Variants in LOXL2 observed in about 807,000 individuals in gnomAD.
LOXL2 encodes lysyl oxidase homolog 2.
LOXL2 carries 70 observed loss-of-function variants against 93.0 expected under a neutral mutation model. The ratio of observed to expected loss-of-function variants is 0.75; its 90% CI spans 0.62 to 0.92. The LOEUF (loss-of-function observed/expected upper bound fraction) is 0.92. LOXL2 is among the 40% of genes least tolerant of loss of function. LOXL2 has a pLI of 0.00. For missense variants in LOXL2, 973 were observed against 1,054.9 expected (o/e 0.92, Z 1.08); for synonymous variants, 438 against 413.2 (o/e 1.06, Z -0.73).
intron 3 of LOXL2, among the ~76,000 whole-genome samples, chr8:23,352,186 G>T (rs1804105727): frequency 6.6e-6 from 1 of 152,176 alleles, no homozygotes; most frequent in Admixed American, 6.5e-5. Flanking sequence ...ACATCTAATT[G>T]TCCAGCCAGA....
chr8:23,301,469 C>T (rs1430833726), intron 12 of LOXL2, among the ~76,000 whole-genome samples: 2 of 152,210 alleles, frequency 1.3e-5, no homozygotes, highest in African/African-American at 4.8e-5. Flanking sequence ...CAGGCTGTGT[C>T]TCGTGTTCAG....
intron 6 of LOXL2, among the ~76,000 whole-genome samples, chr8:23,325,534 C>T (rs571974193): frequency 2.0e-5 from 3 of 152,294 alleles, no homozygotes; most frequent in South Asian, 2.1e-4. Flanking sequence ...TCAAGTGATC[C>T]TCCTGCCTCT....
chr8:23,374,695 G>A (rs1423071574), intron 1 of LOXL2, among the ~76,000 whole-genome samples: 3 of 152,184 alleles, frequency 2.0e-5, no homozygotes. Flanking sequence ...TTTCTCTGAT[G>A]GCCAGTAATG....
At chr8:23,371,771 A>G (rs1804500099) in intron 1 of LOXL2, among the ~76,000 whole-genome samples, 1 of 144,314 alleles carries the variant, frequency 6.9e-6, no homozygotes, top group African/African-American at 2.5e-5. Context: ...AAAAAAAAAA[A>G]AAAAAAAAAA....
chr8:23,317,575 A>G (rs1418499241), intron 8 of LOXL2, among the ~76,000 whole-genome samples: 2 of 152,172 alleles, frequency 1.3e-5, no homozygotes, highest in African/African-American at 4.8e-5. Flanking sequence ...GAAGAAATCT[A>G]TTTGCATAGG....
At chr8:23,300,551 G>A (rs1276862560) in intron 12 of LOXL2, among the ~76,000 whole-genome samples, 5 of 152,226 alleles carry the variant, frequency 3.3e-5, no homozygotes, top group African/African-American at 1.2e-4. Context: ...GGTGCTTGTG[G>A]CACCTAAAGA....
rs1200218172 is a variant in LOXL2 at position 23,404,042 on chromosome 8, C to T, written c.-172G>A. ...TTCCGCCGCCGCTGAGCCCCTTTCT[C>T]GAGCAGAGGGGGCGGCTCTGGTCTC... is the stretch of plus-strand genomic sequence containing the variant. On this transcript the variant is annotated 5_prime_UTR_variant, in exon 1 of 14. Transcript: ENST00000389131. The T allele has an allele frequency of 5.1e-6, 1 of 196,080 alleles. No individual in the cohort carries two copies. The highest frequency in any genetic ancestry group is 1.1e-5 in the Non-Finnish European group (1 of 91,272). 12.1% of individuals were successfully genotyped at this position (196,080 alleles called of 1,614,324 possible).
chr8:23,379,976 G>A (rs1261388460), intron 1 of LOXL2, among the ~76,000 whole-genome samples: 1 of 152,160 alleles, frequency 6.6e-6, no homozygotes, highest in African/African-American at 2.4e-5. Context: ...GCCCCAGTGA[G>A]ATGAACCAAG....
intron 1 of LOXL2, among the ~76,000 whole-genome samples, chr8:23,381,070 AAACT>A (rs1804675293): frequency 6.7e-6 from 1 of 148,994 alleles, no homozygotes; most frequent in African/African-American, 2.5e-5. Flanking sequence ...ACCATGATCA[AAACT>A]GTGTTGTAAA....
chr8:23,400,683 C>T (rs1461210771), intron 1 of LOXL2, among the ~76,000 whole-genome samples: 1 of 152,180 alleles, frequency 6.6e-6, no homozygotes. Flanking sequence ...TGTCAGAGTA[C>T]TCAGGTGATG....
At position 23,386,657 on chromosome 8, in the gene LOXL2, C is replaced by G. The variant is rs142759096; in HGVS notation, c.-84+17297G>C. Among the ~76,000 whole-genome samples, 4 of 152,098 alleles carry G rather than the reference C, an allele frequency of 2.6e-5. No homozygotes were observed. The East Asian group carries it at 7.8e-4, about 30-fold the overall frequency. ...AACAGGCAGATCTATTCTCAGCATT[C>G]ACCTTGGAAGACCTCCAAGGGTGTC... On this transcript the variant is annotated intron_variant, in intron 1 of 13. Coordinates refer to ENST00000389131, the MANE Select transcript of LOXL2 (RefSeq NM_002318.3).
intron 2 of LOXL2, among the ~76,000 whole-genome samples, chr8:23,362,042 T>C (rs11781789): frequency 0.37 from 55,446 of 151,214 alleles, 10,825 homozygotes; most frequent in Middle Eastern, 0.44. Context: ...ACAGTGTCTC[T>C]AAGAGATATC....
Position 23,368,440 on chromosome 8 carries a change from A to C in LOXL2, c.-83-6T>G, listed in dbSNP as rs529221808. On this transcript the variant is annotated splice_polypyrimidine_tract_variant and splice_region_variant and intron_variant, in intron 1 of 13. Transcript: ENST00000389131. ...ACAGAAGCAGCAGGAGCTTTCTGGA[A>C]GAGAGGAGAGATGCGTTAGGATGGG... is the stretch of plus-strand genomic sequence containing the variant. 103 of 1,089,834 alleles carry C rather than the reference A, an allele frequency of 9.5e-5. No individual in the cohort carries two copies. In the African/African-American group the frequency reaches 1.5e-3, roughly 16 times the overall value. 67.5% of individuals were successfully genotyped at this position (1,089,834 alleles called of 1,614,324 possible). A position where few individuals can be genotyped will look rare whatever the true frequency, so the allele number is the denominator to read the frequency against.
At chr8:23,334,205 A>G (rs980804153) in intron 4 of LOXL2, among the ~76,000 whole-genome samples, 1 of 152,044 alleles carries the variant, frequency 6.6e-6, no homozygotes, top group Non-Finnish European at 1.5e-5. Flanking sequence ...CGCCCAGCTA[A>G]TTTTTGTATT....
intron 3 of LOXL2, among the ~76,000 whole-genome samples, chr8:23,346,142 T>TAAAAAA (rs1554479818): frequency 8.9e-6 from 1 of 112,552 alleles, no homozygotes; most frequent in African/African-American, 3.2e-5. Context: ...TAAAATAAAA[T>TAAAAAA]AAATAAAATA....
chr8:23,394,562 C>G (rs747663743), intron 1 of LOXL2, among the ~76,000 whole-genome samples: 4 of 152,048 alleles, frequency 2.6e-5, no homozygotes, highest in Non-Finnish European at 5.9e-5. Context: ...CCACTTCATA[C>G]CCATAAAGGT....
At chr8:23,311,535 G>T (rs571491355) in intron 9 of LOXL2, among the ~76,000 whole-genome samples, 1 of 152,188 alleles carries the variant, frequency 6.6e-6, no homozygotes, top group Non-Finnish European at 1.5e-5. Flanking sequence ...GGGCTCTCCC[G>T]CCAGCTCGCA....
Position 23,328,486 on chromosome 8 carries a change from G to A in LOXL2, c.1046C>T (p.Thr349Ile), listed in dbSNP as rs140553390. 2.3e-5 allele frequency: 37 copies of A among 1,613,970 alleles called. No homozygotes were observed. The African/African-American group carries it at 4.3e-4, about 19-fold the overall frequency. ...VEVLKNGEWG[T>I]VCDDKWDLVS... is the part of the protein sequence containing the mutation. ...CAGGTCCCACTTGTCGTCGCAGACG[G>A]TCCCCCATTCTCCATTTTTGAGCAC... Residue 349 changes from threonine to isoleucine, a missense_variant, in exon 6 of 14, where the codon ACC becomes ATC. By Grantham distance (89) the Thr-to-Ile change is moderately conservative (BLOSUM62 -1). Coordinates refer to ENST00000389131, the MANE Select transcript of LOXL2 (RefSeq NM_002318.3).
At chr8:23,360,024 A>G (rs953754690) in intron 3 of LOXL2, 66 bp downstream of exon 3, 1 of 1,465,706 alleles carries the variant, frequency 6.8e-7, no homozygotes, top group Non-Finnish European at 9.4e-7. Flanking sequence ...TCAATACGCA[A>G]AAAGCGAGTT....
Sources: allele counts gnomAD v4.1 joint callset (sites outside exome capture counted in the v4.1 genomes callset), GRCh38; gene constraint gnomAD v4.1.1; transcripts MANE v1.5; gene names NCBI Gene and HGNC (gene_info 2026-07-23, HGNC 2026-07-21).